KLHL41: variants seen among roughly 807,000 people sequenced by gnomAD.
KLHL41 encodes kelch like family member 41, also known as kelch-like protein 41.
Under a neutral mutation model 49.2 loss-of-function variants are expected in KLHL41, and 31 were observed. The ratio of observed to expected loss-of-function variants is 0.63; its 90% CI spans 0.47 to 0.85. KLHL41 has a LOEUF of 0.85. KLHL41 is among the 40% of genes least tolerant of loss of function. The pLI is 0.00. For synonymous variants in KLHL41, 218 were observed against 258.5 expected, an observed-to-expected ratio of 0.84 and a Z score of 1.50; for missense variants, 663 against 726.7, an observed-to-expected ratio of 0.91 and a Z score of 1.01.
Position 169,525,703 on chromosome 2 carries a change from T to C in KLHL41, c.*7T>C, listed in dbSNP as rs1390235191. On this transcript the variant is annotated 3_prime_UTR_variant, in exon 6 of 6. Transcript: ENST00000284669. ...CAAACTGTCTAAACTGTGAACAAGG[T>C]GACAAAACATAATAGATTGGGAGGT... 1.3e-6 allele frequency: 2 copies of C among 1,519,396 alleles called. No homozygotes were observed. The highest frequency in any genetic ancestry group is 1.8e-6 in the Non-Finnish European group (2 of 1,094,502). 94.1% of individuals were successfully genotyped at this position (1,519,396 alleles called of 1,614,324 possible).
chr2:169,512,373 G>C (rs1253482800), intron 1 of KLHL41, among the ~76,000 whole-genome samples: 1 of 152,098 alleles, frequency 6.6e-6, no homozygotes, highest in African/African-American at 2.4e-5. Context: ...ACAGATGACA[G>C]ACATATAGGT....
At chr2:169,512,852 G>A (rs1434018053) in intron 1 of KLHL41, among the ~76,000 whole-genome samples, 2 of 152,104 alleles carry the variant, frequency 1.3e-5, no homozygotes, top group Non-Finnish European at 2.9e-5. Context: ...ACCTTTGATT[G>A]TATGCTGTAA....
chr2:169,510,613 A>G lies in KLHL41; in HGVS notation c.835A>G (p.Asn279Asp). 1 of 1,614,174 alleles carries G rather than the reference A, an allele frequency of 6.2e-7. No individual in the cohort carries two copies. Among genetic ancestry groups the G allele is most frequent in the East Asian group, 2.2e-5 (1 of 44,886 alleles). Residue 279 changes from asparagine (N) to aspartate (D), a missense_variant, in exon 1 of 6, where the codon AAT becomes GAT. Transcript: ENST00000284669. The surrounding 1 kb of genome is among the most constrained non-coding windows in gnomAD (Gnocchi z 4.2). ...CGCGAAGACTGGGGCTGGTGAGGTG[A>G]ATGGTGATGTTGGTGATGAAGATTT... ...NAAKTGAGEV[N>D]GDVGDEDLLP...
Position 169,510,759 on chromosome 2 carries a change from T to C in KLHL41, c.981T>C (p.Thr327=), listed in dbSNP as rs1684019228. The change falls in exon 1 of 6, where the codon ACT becomes ACC. Residue 327 remains threonine (T), a synonymous_variant. Transcript: ENST00000284669. This position sits in a 1 kb window ranked among gnomAD's most constrained non-coding sequence, Gnocchi z 4.2. ...YDPTENECYL[T]ALAEQIPRNH... is the part of the protein sequence containing the mutation. Reference sequence around the variant, plus strand: ...CCACGGAAAATGAATGCTACCTTACTGCACTGGCTGAGCAGATTCCCAGAA... The same window carrying C: ...CCACGGAAAATGAATGCTACCTTACCGCACTGGCTGAGCAGATTCCCAGAA... 2 of 1,614,222 alleles carry C rather than the reference T, an allele frequency of 1.2e-6. No homozygotes were observed. Among genetic ancestry groups the C allele is most frequent in the Non-Finnish European group, 8.5e-7 (1 of 1,180,052 alleles).
At chr2:169,518,156 G>T (rs368737545) in intron 3 of KLHL41, 34 bp from the exon 4 acceptor site, 7 of 1,556,142 alleles carry the variant, frequency 4.5e-6, no homozygotes, top group Non-Finnish European at 6.2e-6. Flanking sequence ...TCAAAAAAAG[G>T]TTCTAAAAGG....
At chr2:169,513,766 T>C (rs549002177) in intron 1 of KLHL41, among the ~76,000 whole-genome samples, 1 of 152,346 alleles carries the variant, frequency 6.6e-6, no homozygotes, top group Non-Finnish European at 1.5e-5. Flanking sequence ...TCTTGTGCCT[T>C]AGTGTGCTAA....
chr2:169,518,425 A>C (rs761550598), intron 4 of KLHL41, 50 bp downstream of exon 4: 1 of 1,344,572 alleles, frequency 7.4e-7, no homozygotes, highest in South Asian at 1.4e-5. Flanking sequence ...ATACATTTTA[A>C]TTGTTAACTT....
At chr2:169,516,689 AT>A (rs1163491805) in intron 3 of KLHL41, among the ~76,000 whole-genome samples, 2 of 152,226 alleles carry the variant, frequency 1.3e-5, no homozygotes, top group Non-Finnish European at 2.9e-5. Context: ...TGCTTGACAA[AT>A]GTCAAAGTCA....
chr2:169,521,188 TC>T (rs1414089873), intron 5 of KLHL41, among the ~76,000 whole-genome samples, 181 bp downstream of exon 5: 1 of 152,186 alleles, frequency 6.6e-6, no homozygotes, highest in African/African-American at 2.4e-5. Flanking sequence ...AGTATCTACT[TC>T]TAGTTAGCTC....
At position 169,516,995 on chromosome 2, in the gene KLHL41, A is replaced by G. The variant is rs1574352173; in HGVS notation, c.1377-1195A>G. ...CCACTGCACTCCAGCCTGGGCAACA[A>G]GAGCGAAACTCCGTCTCCAGAAATA... On this transcript the variant is annotated intron_variant, in intron 3 of 5. Transcript: ENST00000284669. Among the ~76,000 whole-genome samples, 5 of 151,584 alleles carry G rather than the reference A, an allele frequency of 3.3e-5. No individual in the cohort carries two copies. The East Asian group carries it at 9.8e-4, about 30-fold the overall frequency.
chr2:169,514,649 G>T lies in KLHL41; in HGVS notation c.1186G>T (p.Val396Leu), dbSNP rs147650614. The change falls in exon 2 of 6, where the codon GTG becomes TTG. Residue 396 changes from valine (V) to leucine (L), a missense_variant. Val to Leu is a conservative substitution (Grantham distance 32, BLOSUM62 1). Transcript: ENST00000284669. ...SARCLFGLGE[V>L]DDKIYVVAGK... ...CAGGTGTCTCTTCGGTCTGGGAGAGGTGGATGATAAAATCTATGTAGTTGC... is the reference window on the plus strand; with the variant it reads ...CAGGTGTCTCTTCGGTCTGGGAGAGTTGGATGATAAAATCTATGTAGTTGC... 1.1e-4 allele frequency: 173 copies of T among 1,613,890 alleles called. No individual in the cohort carries two copies. The African/African-American group carries it at 1.9e-3, about 18-fold the overall frequency.
intron 4 of KLHL41, among the ~76,000 whole-genome samples, chr2:169,518,881 T>C (rs1237090984): frequency 1.3e-5 from 2 of 152,156 alleles, no homozygotes; most frequent in African/African-American, 4.8e-5. Context: ...GGTCTCACTA[T>C]GTTGTCCATA....
chr2:169,516,869 A>G (rs557018892), intron 3 of KLHL41, among the ~76,000 whole-genome samples: 8 of 152,212 alleles, frequency 5.3e-5, no homozygotes, highest in South Asian at 4.1e-4. Context: ...TAAAAATACA[A>G]AATTAACCGG....
In KLHL41 at chr2:169,509,769, T is replaced by C. The variant is rs780672614; in HGVS notation, c.-10T>C. The C allele has an allele frequency of 1.1e-5, 18 of 1,603,556 alleles. No homozygotes were observed. The South Asian group carries it at 2.0e-4, about 18-fold the overall frequency. On this transcript the variant is annotated 5_prime_UTR_variant, in exon 1 of 6. Coordinates refer to ENST00000284669, the MANE Select transcript of KLHL41 (RefSeq NM_006063.3). ...TCAGTGTCCCCTTCCTTACCCAGGT[T>C]TCTCACAGAATGGATTCCCAGCGGG...
At chr2:169,523,514 TC>T (rs1684233880) in intron 5 of KLHL41, among the ~76,000 whole-genome samples, 1 of 152,100 alleles carries the variant, frequency 6.6e-6, no homozygotes, top group East Asian at 1.9e-4. Flanking sequence ...GACTGGTATT[TC>T]CTAATTTGGG....
At chr2:169,523,046 A>G (rs1684226238) in intron 5 of KLHL41, among the ~76,000 whole-genome samples, 1 of 151,692 alleles carries the variant, frequency 6.6e-6, no homozygotes, top group Non-Finnish European at 1.5e-5. Context: ...ATCAGCAGCC[A>G]GGGTTGAGAA....
chr2:169,520,441 A>G (rs904924484), intron 4 of KLHL41, among the ~76,000 whole-genome samples: 40 of 148,124 alleles, frequency 2.7e-4, no homozygotes, highest in Admixed American at 1.0e-3. Flanking sequence ...CACCGAACCC[A>G]GCCGCTACTT....
In KLHL41 at chr2:169,510,676, A is replaced by G; in HGVS notation, c.898A>G (p.Met300Val). 2 of 1,614,162 alleles carry G rather than the reference A, an allele frequency of 1.2e-6. No individual in the cohort carries two copies. Among genetic ancestry groups the G allele is most frequent in the South Asian group, 1.1e-5 (1 of 91,084 alleles). The change falls in exon 1 of 6, where the codon ATG becomes GTG. Residue 300 changes from methionine (M) to valine (V), a missense_variant. This residue lies in a region of KLHL41 where 528 missense variants were observed against 581.0 expected (regional missense o/e 0.91). Coordinates refer to ENST00000284669, the MANE Select transcript of KLHL41 (RefSeq NM_006063.3). This position sits in a 1 kb window ranked among gnomAD's most constrained non-coding sequence, Gnocchi z 4.2. ...GYLNDIPRHG[M>V]FVKDLILLVN... is the part of the protein sequence containing the mutation. The stretch of plus-strand genomic sequence containing the variant: ...CCTGAATGACATTCCCAGGCATGGA[A>G]TGTTTGTAAAAGACCTCATCCTCTT...
chr2:169,514,778 G>A lies in KLHL41; in HGVS notation c.1268+47G>A, dbSNP rs771056330. 47 of 1,596,062 alleles carry A rather than the reference G, an allele frequency of 2.9e-5. No individual in the cohort carries two copies. The Admixed American group carries it at 4.0e-4, about 14-fold the overall frequency. On this transcript the variant is annotated intron_variant, in intron 2 of 5. Transcript: ENST00000284669. ...GTTCCCTAAGCATTCAAGTATATGC[G>A]TGCCTACAACATATTCATATTTTCA...
Sources: allele counts gnomAD v4.1 joint callset (sites outside exome capture counted in the v4.1 genomes callset), GRCh38; gene constraint gnomAD v4.1.1; regional missense constraint gnomAD v4.1.1; non-coding constraint Gnocchi (gnomAD v3.1); transcripts MANE v1.5; gene names NCBI Gene and HGNC (gene_info 2026-07-23, HGNC 2026-07-21).